G2E3: variants seen among roughly 807,000 people sequenced by gnomAD.
G2E3 encodes the protein G2/M-phase specific E3 ubiquitin protein ligase, also known as G2/M phase-specific E3 ubiquitin-protein ligase.
G2E3 carries 35 observed loss-of-function variants against 92.8 expected under a neutral mutation model. The observed-to-expected ratio is 0.38, with a 90% CI of 0.29 to 0.50. G2E3 has a LOEUF of 0.50. Ranked by LOEUF, G2E3 falls within the 20% of genes least tolerant of loss-of-function variation. The pLI is 0.94. For synonymous variants in G2E3, 242 were observed against 272.4 expected, an observed-to-expected ratio of 0.89 and a Z score of 1.10; for missense variants, 554 against 823.8, an observed-to-expected ratio of 0.67 and a Z score of 4.01.
intron 1 of G2E3, among the ~76,000 whole-genome samples, chr14:30,577,223 C>CAGA (rs370276428): frequency 1.2e-5 from 1 of 80,776 alleles, no homozygotes; most frequent in Non-Finnish European, 2.6e-5. Flanking sequence ...GACTCTGTCT[C>CAGA]AAAAAAAAAA....
chr14:30,611,820 C>CTT (rs33919348), intron 12 of G2E3: 26 of 152,084 alleles, frequency 1.7e-4, no homozygotes, highest in Middle Eastern at 3.2e-3. Context: ...CACACCAGGC[C>CTT]TTTTTTTTTT....
chr14:30,616,271 T>G lies in G2E3; in HGVS notation c.1865-7T>G, dbSNP rs1594517868. The G allele has an allele frequency of 6.3e-7, 1 of 1,588,506 alleles. No individual in the cohort carries two copies. The highest frequency in any genetic ancestry group is 8.6e-7 in the Non-Finnish European group (1 of 1,159,402). On this transcript the variant is annotated splice_polypyrimidine_tract_variant and splice_region_variant and intron_variant, in intron 14 of 14. Coordinates refer to ENST00000206595, the MANE Select transcript of G2E3 (RefSeq NM_017769.5). ...TCTTTTACTCTTTTATTGGTAAATT[T>G]TTTCAGATGGTAAATCTACAACAAC...
intron 1 of G2E3, chr14:30,580,775 G>A: frequency 3.6e-6 from 1 of 279,258 alleles, no homozygotes; most frequent in Non-Finnish European, 6.7e-6. Context: ...ATCGTTTGTT[G>A]TGTAGGACTG....
chr14:30,567,953 G>A (rs759939467), intron 1 of G2E3, among the ~76,000 whole-genome samples: 26 of 152,056 alleles, frequency 1.7e-4, no homozygotes, highest in Non-Finnish European at 2.9e-5. Context: ...GGTCTAACAT[G>A]GTATATCCAT....
intron 4 of G2E3, among the ~76,000 whole-genome samples, chr14:30,591,137 G>C (rs1350232248): frequency 2.6e-5 from 4 of 152,074 alleles, no homozygotes; most frequent in African/African-American, 9.7e-5. Flanking sequence ...GTGAACCCTT[G>C]AAAAGAAGAG....
chr14:30,593,509 TTACATC>T lies in G2E3; in HGVS notation c.401_406del (p.Thr134_Ser135del). 1.9e-6 allele frequency: 3 copies of T among 1,560,656 alleles called. No individual in the cohort carries two copies. Among genetic ancestry groups the T allele is most frequent in the Non-Finnish European group, 2.6e-6 (3 of 1,136,514 alleles). Reference sequence around the variant, plus strand: ...TGGGACCATCGACCTGTTCAAATAATTACATCTAATAATTATAGAGAGTCCTTACCA... The same window carrying T: ...TGGGACCATCGACCTGTTCAAATAATTAATAATTATAGAGAGTCCTTACCA... On this transcript the variant is annotated inframe_deletion, in exon 6 of 15. Transcript: ENST00000206595.
intron 1 of G2E3, among the ~76,000 whole-genome samples, chr14:30,575,660 T>C (rs1421576175): frequency 6.6e-6 from 1 of 152,164 alleles, no homozygotes; most frequent in East Asian, 1.9e-4. Context: ...GATAAACAAC[T>C]TCAGCAAAGT....
In G2E3 at chr14:30,572,243, TTCTATG is replaced by T. The variant is rs575094417; in HGVS notation, c.-4-8831_-4-8826del. On this transcript the variant is annotated intron_variant, in intron 1 of 14. Transcript: ENST00000206595. ...TTCTTATAAATATGTTGGTAGGATT[TTCTATG>T]TAGATGATCATATGTGAAAACAGTT... Among the ~76,000 whole-genome samples the T allele has an allele frequency of 3.9e-5, 6 of 152,256 alleles. No individual in the cohort carries two copies. The East Asian group carries it at 1.2e-3, about 29-fold the overall frequency.
intron 8 of G2E3, among the ~76,000 whole-genome samples, chr14:30,601,011 C>A (rs891239909): frequency 2.0e-5 from 3 of 152,188 alleles, no homozygotes; most frequent in South Asian, 4.1e-4. Flanking sequence ...TGGGCAGAGA[C>A]ACACACATAC....
Position 30,619,325 on chromosome 14 carries a change from A to G in G2E3, c.*2791A>G, listed in dbSNP as rs45472591. The G allele has an allele frequency of 2.6e-5, 4 of 152,112 alleles. No individual in the cohort carries two copies. Among genetic ancestry groups the G allele is most frequent in the Non-Finnish European group, 4.4e-5 (3 of 67,940 alleles). The allele number at this position is 152,112 out of a possible 1,614,324, so 9.4% of individuals were successfully genotyped here. A position where few individuals can be genotyped will look rare whatever the true frequency, so the allele number is the denominator to read the frequency against. On this transcript the variant is annotated 3_prime_UTR_variant, in exon 15 of 15. Coordinates refer to ENST00000206595, the MANE Select transcript of G2E3 (RefSeq NM_017769.5). ...ATTGGAACTTTTGTATTCAGTGCTA[A>G]ATACTAAGTCAAGGGGAGTATATTA...
intron 2 of G2E3, among the ~76,000 whole-genome samples, chr14:30,581,392 AGT>A (rs922244285): frequency 7.0e-6 from 1 of 143,604 alleles, no homozygotes; most frequent in African/African-American, 2.5e-5. Flanking sequence ...CAATTTAAAC[AGT>A]GTGTAAAAGT....
At chr14:30,570,604 C>T (rs987784885) in intron 1 of G2E3, among the ~76,000 whole-genome samples, 1 of 152,124 alleles carries the variant, frequency 6.6e-6, no homozygotes, top group African/African-American at 2.4e-5. Context: ...CTCCTGCCTG[C>T]TCAAACGTGC....
At chr14:30,590,833 A>G (rs10148278) in intron 4 of G2E3, 11,172 of 442,164 alleles carry the variant, frequency 0.025, 965 homozygotes, top group African/African-American at 0.19. Flanking sequence ...TGGTCTCTAA[A>G]GGTCCCCTTA....
At chr14:30,572,239 G>T (rs540908326) in intron 1 of G2E3, among the ~76,000 whole-genome samples, 1 of 152,120 alleles carries the variant, frequency 6.6e-6, no homozygotes, top group East Asian at 1.9e-4. Flanking sequence ...ATGTTGGTAG[G>T]ATTTTCTATG....
intron 10 of G2E3, among the ~76,000 whole-genome samples, chr14:30,604,020 A>G (rs957757119): frequency 1.3e-5 from 2 of 152,236 alleles, no homozygotes; most frequent in African/African-American, 4.8e-5. Context: ...AAATATTGTT[A>G]TAACACTTTT....
chr14:30,584,313 A>G (rs965709669), intron 2 of G2E3, among the ~76,000 whole-genome samples: 8 of 152,154 alleles, frequency 5.3e-5, no homozygotes, highest in South Asian at 2.1e-4. Context: ...CTGCTTAGCT[A>G]TTGTGAACAG....
intron 7 of G2E3, chr14:30,598,123 G>A: frequency 5.0e-6 from 1 of 198,684 alleles, no homozygotes; most frequent in South Asian, 9.6e-5. Context: ...GCTCACGCCT[G>A]TAATCCCTCC....
At position 30,612,299 on chromosome 14, in the gene G2E3, G is replaced by T; in HGVS notation, c.1593G>T (p.Thr531=). The T allele has an allele frequency of 1.2e-6, 2 of 1,602,036 alleles. No individual in the cohort carries two copies. The highest frequency in any genetic ancestry group is 1.7e-6 in the Non-Finnish European group (2 of 1,169,748). Residue 531 remains threonine (T), a synonymous_variant, in exon 13 of 15, where the codon ACG becomes ACT. Transcript: ENST00000206595. The part of the protein sequence containing the change: ...LELIGCLRLI[T]TLSDKYMLVK... Reference sequence around the variant, plus strand: ...TAATTGGATGTCTCAGACTTATAACGACATTAAGTGATAAATATATGTTAG... The same window carrying T: ...TAATTGGATGTCTCAGACTTATAACTACATTAAGTGATAAATATATGTTAG...
In G2E3 at chr14:30,595,099, C is replaced by T. The variant is rs146218891; in HGVS notation, c.528+1460C>T. Among the ~76,000 whole-genome samples the T allele has an allele frequency of 1.7e-3, 260 of 152,158 alleles. 8 individuals carry two copies. The East Asian group carries it at 0.046, about 27-fold the overall frequency. On this transcript the variant is annotated intron_variant, in intron 6 of 14. Coordinates refer to ENST00000206595, the MANE Select transcript of G2E3 (RefSeq NM_017769.5). ...GTTGCGGTATGCTGAGATAGCACCA[C>T]TGCACTCCTGTCTGGGCGACAGAGC...
Sources: allele counts gnomAD v4.1 joint callset (sites outside exome capture counted in the v4.1 genomes callset), GRCh38; gene constraint gnomAD v4.1.1; transcripts MANE v1.5; gene names NCBI Gene and HGNC (gene_info 2026-07-23, HGNC 2026-07-21).